The following KCNAB3 variants were observed in gnomAD, a reference collection of about 807,000 sequenced individuals.
KCNAB3 encodes potassium voltage-gated channel subfamily A regulatory beta subunit 3, also known as voltage-gated potassium channel subunit beta-3.
KCNAB3 carries 62 observed loss-of-function variants against 67.7 expected under a neutral mutation model. The observed-to-expected ratio is 0.92, with a 90% CI of 0.75 to 1.13. KCNAB3 has a LOEUF of 1.13. Among genes scored for constraint, KCNAB3 ranks in the 50% most tolerant of loss-of-function variants. The pLI, the probability that KCNAB3 is intolerant of heterozygous loss-of-function variation, is 0.00. For missense variants in KCNAB3, 514 were observed against 522.9 expected (o/e 0.98, Z 0.17); for synonymous variants, 212 against 205.4 (o/e 1.03, Z -0.27).
chr17:7,924,056 C>A lies in KCNAB3; in HGVS notation c.839G>T (p.Gly280Val). Residue 280 changes from glycine (G) to valine (V), a missense_variant, in exon 11 of 14, where the codon GGA becomes GTA. Physicochemically the swap from Gly to Val is moderately radical, Grantham distance 109. Transcript: ENST00000303790. ...LPELYHKIGV[G>V]SVTWYPLACG... is the part of the protein sequence containing the mutation. ...GGCTAGAGGGTACCAAGTGACTGAT[C>A]CAACTCCTAAGGGAAGAACACTGGG... The A allele has an allele frequency of 3.1e-6, 5 of 1,614,118 alleles. No individual in the cohort carries two copies. The highest frequency in any genetic ancestry group is 4.2e-6 in the Non-Finnish European group (5 of 1,180,020).
At chr17:7,925,454 G>A (rs982448936) in intron 7 of KCNAB3, 9 of 609,558 alleles carry the variant, frequency 1.5e-5, no homozygotes, top group Admixed American at 5.7e-5. Flanking sequence ...CCTTGAACCC[G>A]GGAGGAGGAG....
chr17:7,923,194 G>A lies in KCNAB3; in HGVS notation c.1138-15C>T, dbSNP rs767596912. ...TGGCTCAGCACCTGGAGGAGAGTGG[G>A]ACGGTGGCGACGGCAGCCCATGCTG... On this transcript the variant is annotated splice_polypyrimidine_tract_variant and intron_variant, in intron 13 of 13. Coordinates refer to ENST00000303790, the MANE Select transcript of KCNAB3 (RefSeq NM_004732.4). The A allele has an allele frequency of 1.2e-6, 2 of 1,612,270 alleles. No homozygotes were observed. The highest frequency in any genetic ancestry group is 2.2e-5 in the East Asian group (1 of 44,866).
intron 2 of KCNAB3, 36 bp downstream of exon 2, chr17:7,927,747 A>G: frequency 6.2e-7 from 1 of 1,613,986 alleles, no homozygotes. Context: ...ACCATGAAAG[A>G]ATGCCCTCCT....
Position 7,925,947 on chromosome 17 carries a change from T to A in KCNAB3, c.478A>T (p.Ile160Phe), listed in dbSNP as rs761047152. ...GCCACTTACTGTCCTCCCCAAAAAA[T>A]CTTGGTAGTGATGACATAGCTTGAT... ...RRSSYVITTK[I>F]FWGGQAETER... is the part of the protein sequence containing the mutation. The change falls in exon 6 of 14, where the codon ATT becomes TTT. Residue 160 changes from isoleucine (I) to phenylalanine (F), a missense_variant. Coordinates refer to ENST00000303790, the MANE Select transcript of KCNAB3 (RefSeq NM_004732.4). 1 of 1,452,186 alleles carries A rather than the reference T, an allele frequency of 6.9e-7. No individual in the cohort carries two copies. The highest frequency in any genetic ancestry group is 1.1e-5 in the South Asian group (1 of 89,014). 90.0% of individuals were successfully genotyped at this position (1,452,186 alleles called of 1,614,324 possible). A position where few individuals can be genotyped will look rare whatever the true frequency, so the allele number is the denominator to read the frequency against.
chr17:7,927,889 C>T, intron 1 of KCNAB3, 63 bp from the exon 2 acceptor site: 1 of 1,592,858 alleles, frequency 6.3e-7, no homozygotes, highest in Middle Eastern at 2.2e-4. Flanking sequence ...ATTATCAGCC[C>T]CCAGCTCCTC....
At chr17:7,923,641 A>G in intron 12 of KCNAB3, 70 bp downstream of exon 12, 1 of 1,552,082 alleles carries the variant, frequency 6.4e-7, no homozygotes, top group Non-Finnish European at 8.7e-7. Flanking sequence ...CCTAGGGACA[A>G]ACCAGTTTTA....
Position 7,929,179 on chromosome 17 carries a change from C to A in KCNAB3, c.242+15G>T. 1 of 1,610,592 alleles carries A rather than the reference C, an allele frequency of 6.2e-7. No individual in the cohort carries two copies. Among genetic ancestry groups the A allele is most frequent in the South Asian group, 1.1e-5 (1 of 90,936 alleles). On this transcript the variant is annotated intron_variant, in intron 1 of 13. Coordinates refer to ENST00000303790, the MANE Select transcript of KCNAB3 (RefSeq NM_004732.4). This position sits in a 1 kb window ranked among gnomAD's most constrained non-coding sequence, Gnocchi z 5.7. ...AGGAAAGCGGAAGGGGTGGGCTGCC[C>A]GGCCACCCCCATACCTGTATTTCAT...
Position 7,925,691 on chromosome 17 carries a change from A to G in KCNAB3, c.530T>C (p.Ile177Thr). Residue 177 changes from isoleucine (I) to threonine (T), a missense_variant, in exon 7 of 14, where the codon ATC (isoleucine) becomes ACC (threonine). By Grantham distance (89) the Ile-to-Thr change is moderately conservative. Coordinates refer to ENST00000303790, the MANE Select transcript of KCNAB3 (RefSeq NM_004732.4). The part of the protein sequence containing the change: ...ETERGLSRKH[I>T]IEGLRGSLER... The stretch of plus-strand genomic sequence containing the variant: ...CAGCCCCTAACTCTCACCCTCAATG[A>G]TGTGCTTTCGGCTTAAACCTCGCTC... The G allele has an allele frequency of 6.2e-7, 1 of 1,613,904 alleles. No individual in the cohort carries two copies. The highest frequency in any genetic ancestry group is 1.1e-5 in the South Asian group (1 of 91,068).
intron 13 of KCNAB3, 79 bp from the exon 14 acceptor site, chr17:7,923,258 A>C: frequency 6.9e-7 from 1 of 1,453,088 alleles, no homozygotes; most frequent in Admixed American, 1.7e-5. Flanking sequence ...GTAGCCGGGG[A>C]AGCACCACAG....
intron 8 of KCNAB3, 55 bp from the exon 9 acceptor site, chr17:7,924,555 C>T: frequency 3.2e-6 from 5 of 1,542,760 alleles, no homozygotes; most frequent in Admixed American, 2.0e-5. Flanking sequence ...ATCTAAGACT[C>T]CAGATTTGCA....
chr17:7,925,567 C>T, intron 7 of KCNAB3, 116 bp downstream of exon 7: 1 of 950,756 alleles, frequency 1.1e-6, no homozygotes, highest in Non-Finnish European at 1.7e-6. Flanking sequence ...CAGACCTTGC[C>T]CCCTTGCCAT....
Position 7,922,218 on chromosome 17 carries a change from A to T in KCNAB3, c.*884T>A, listed in dbSNP as rs1972060359. 1 of 152,238 alleles carries T rather than the reference A, an allele frequency of 6.6e-6. No homozygotes were observed. Among genetic ancestry groups the T allele is most frequent in the Non-Finnish European group, 1.5e-5 (1 of 68,058 alleles). The allele number at this position is 152,238 out of a possible 1,614,324, so 9.4% of individuals were successfully genotyped here. On this transcript the variant is annotated 3_prime_UTR_variant, in exon 14 of 14. Transcript: ENST00000303790. ...TGAGGTTTATTTACAGTTACCTGGG[A>T]AGTCTTACAGAGAAGGGGCCATCAT...
chr17:7,927,494 C>T (rs1972273381), intron 3 of KCNAB3, 71 bp from the exon 4 acceptor site: 1 of 1,530,932 alleles, frequency 6.5e-7, no homozygotes, highest in Non-Finnish European at 9.1e-7. Context: ...TCTAACCCAT[C>T]ACATCTCAGC....
chr17:7,924,800 T>A, intron 8 of KCNAB3: 1 of 822,670 alleles, frequency 1.2e-6, no homozygotes. Flanking sequence ...TGTAGTTCAG[T>A]GGTGCAATCA....
In KCNAB3 at chr17:7,929,300, C is replaced by T; in HGVS notation, c.136G>A (p.Gly46Ser). 1 of 1,571,834 alleles carries T rather than the reference C, an allele frequency of 6.4e-7. No homozygotes were observed. The highest frequency in any genetic ancestry group is 8.6e-7 in the Non-Finnish European group (1 of 1,159,188). The change falls in exon 1 of 14, where the codon GGT becomes AGT. Residue 46 changes from glycine (G) to serine (S), a missense_variant. Transcript: ENST00000303790. The surrounding 1 kb of genome is among the most constrained non-coding windows in gnomAD (Gnocchi z 5.7). ...AGGGHGNPPG[G>S]GGSGPKARAA... ...CGGGCCTTGGGGCCAGACCCTCCAC[C>T]CCCCGGAGGATTCCCGTGCCCCCCG...
rs941039114 is a variant in KCNAB3 at position 7,925,922 on chromosome 17, G to A, written c.494+9C>T. 1.2e-6 allele frequency: 2 copies of A among 1,611,946 alleles called. No individual in the cohort carries two copies. The highest frequency in any genetic ancestry group is 2.7e-5 in the African/African-American group (2 of 74,358). On this transcript the variant is annotated intron_variant, in intron 6 of 13. Transcript: ENST00000303790. ...CCTTCTCCACAATCGCAGTGGGGCA[G>A]CCACTTACTGTCCTCCCCAAAAAAT...
At chr17:7,924,972 C>T in intron 8 of KCNAB3, 125 bp downstream of exon 8, 1 of 821,146 alleles carries the variant, frequency 1.2e-6, no homozygotes, top group Non-Finnish European at 2.0e-6. Flanking sequence ...TCTCGAACTC[C>T]AGGCCCCAAG....
chr17:7,924,554 T>C, intron 8 of KCNAB3, 54 bp from the exon 9 acceptor site: 2 of 1,543,584 alleles, frequency 1.3e-6, no homozygotes, highest in Non-Finnish European at 1.8e-6. Flanking sequence ...AATCTAAGAC[T>C]CCAGATTTGC....
Position 7,929,727 on chromosome 17 carries a change from T to G in KCNAB3, c.-292A>C. On this transcript the variant is annotated 5_prime_UTR_variant, in exon 1 of 14. Coordinates refer to ENST00000303790, the MANE Select transcript of KCNAB3 (RefSeq NM_004732.4). The surrounding 1 kb of genome is among the most constrained non-coding windows in gnomAD (Gnocchi z 5.7). ...AGGGGGAAATGGATGAGGGTAAAGGTCGAGGATGAGGTAAAGGTCTCGGAG... is the reference window on the plus strand; with the variant it reads ...AGGGGGAAATGGATGAGGGTAAAGGGCGAGGATGAGGTAAAGGTCTCGGAG... The G allele has an allele frequency of 8.0e-7, 1 of 1,245,554 alleles. No homozygotes were observed. The highest frequency in any genetic ancestry group is 1.0e-6 in the Non-Finnish European group (1 of 987,842). 77.2% of individuals were successfully genotyped at this position (1,245,554 alleles called of 1,614,324 possible).
Sources: allele counts gnomAD v4.1 joint callset, GRCh38; gene constraint gnomAD v4.1.1; non-coding constraint Gnocchi (gnomAD v3.1); transcripts MANE v1.5; gene names NCBI Gene and HGNC (gene_info 2026-07-23, HGNC 2026-07-21).